Variants in CCSER1 observed in about 807,000 individuals in gnomAD.
CCSER1 encodes serine-rich coiled-coil domain-containing protein 1.
A neutral mutation model predicts 82.0 loss-of-function variants in CCSER1; 41 were observed. That is an observed-to-expected ratio of 0.50 (90% CI 0.39 to 0.65). CCSER1 has a LOEUF of 0.65. CCSER1 is among the 30% of genes least tolerant of loss of function. The probability of loss-of-function intolerance (pLI) is 0.00; values close to 1 mark genes in which losing one functional copy is unlikely to be tolerated. For synonymous variants in CCSER1, 414 were observed against 383.9 expected (o/e 1.08, Z -0.92); for missense variants, 1,119 against 1,064.2 (o/e 1.05, Z -0.72).
chr4:91,466,920 C>T (rs1351151073), intron 10 of CCSER1, among the ~76,000 whole-genome samples: 1 of 152,132 alleles, frequency 6.6e-6, no homozygotes, highest in African/African-American at 2.4e-5. Flanking sequence ...ATGAAAATGG[C>T]CATACTGCCC....
At chr4:91,594,830 G>A (rs1490238098) in intron 10 of CCSER1, among the ~76,000 whole-genome samples, 2 of 151,918 alleles carry the variant, frequency 1.3e-5, no homozygotes, top group African/African-American at 2.4e-5. Context: ...TTTGGCTTCA[G>A]GTTCAGTGTT....
At chr4:90,530,875 C>T (rs1180499199) in intron 5 of CCSER1, among the ~76,000 whole-genome samples, 1 of 152,160 alleles carries the variant, frequency 6.6e-6, no homozygotes, top group East Asian at 1.9e-4. Context: ...TATTCTCTTG[C>T]AACCACCTTG....
At chr4:91,354,255 A>G (rs1327625777) in intron 10 of CCSER1, among the ~76,000 whole-genome samples, 1 of 152,224 alleles carries the variant, frequency 6.6e-6, no homozygotes, top group Non-Finnish European at 1.5e-5. Flanking sequence ...ACCATTTATC[A>G]TCTTTCCAAT....
chr4:90,343,686 C>G (rs549168775), intron 3 of CCSER1, among the ~76,000 whole-genome samples: 7 of 152,294 alleles, frequency 4.6e-5, no homozygotes, highest in Admixed American at 4.6e-4. Context: ...TGTATTCTCA[C>G]ACCAGACTTT....
chr4:90,785,580 GT>G (rs925340181), intron 7 of CCSER1, among the ~76,000 whole-genome samples: 21 of 152,160 alleles, frequency 1.4e-4, no homozygotes, highest in Admixed American at 1.2e-3. Flanking sequence ...GAAAAATACA[GT>G]TTCTATGTTC....
At chr4:90,178,672 A>G (rs1250463849) in intron 1 of CCSER1, among the ~76,000 whole-genome samples, 4 of 152,146 alleles carry the variant, frequency 2.6e-5, no homozygotes, top group Admixed American at 6.6e-5. Context: ...ACCATACCAC[A>G]TGAATATGCT....
chr4:91,173,589 G>A (rs113705163), intron 10 of CCSER1, among the ~76,000 whole-genome samples: 4,150 of 88,570 alleles, frequency 0.047, 206 homozygotes, highest in African/African-American at 0.16. Context: ...GTGAGACTCC[G>A]TCTCAAAAAA....
chr4:91,026,433 A>G (rs1360484842), intron 9 of CCSER1, among the ~76,000 whole-genome samples: 13 of 152,054 alleles, frequency 8.5e-5, no homozygotes, highest in Admixed American at 5.9e-4. Flanking sequence ...CTTGAAGTTA[A>G]CTTTACTGTT....
chr4:90,894,213 A>G (rs1185820150), intron 8 of CCSER1, among the ~76,000 whole-genome samples: 6 of 152,058 alleles, frequency 3.9e-5, no homozygotes, highest in Non-Finnish European at 7.4e-5. Flanking sequence ...CCAAAATTGT[A>G]TTCTGTTATG....
At chr4:90,833,136 A>C (rs62311111) in intron 8 of CCSER1, among the ~76,000 whole-genome samples, 10,869 of 152,268 alleles carry the variant, frequency 0.071, 501 homozygotes, top group Admixed American at 0.13. Flanking sequence ...TGGGAAGTCC[A>C]AGATCAAGGA....
chr4:90,927,461 A>G (rs114964813), intron 9 of CCSER1, among the ~76,000 whole-genome samples: 5,922 of 152,014 alleles, frequency 0.039, 170 homozygotes, highest in Non-Finnish European at 0.059. Context: ...AGGGGTTTCA[A>G]TTTGGCTTCT....
chr4:91,576,234 G>A (rs1763447759), intron 10 of CCSER1, among the ~76,000 whole-genome samples: 1 of 151,718 alleles, frequency 6.6e-6, no homozygotes, highest in Non-Finnish European at 1.5e-5. Flanking sequence ...TAAAAAGAAG[G>A]GTATTTTGTC....
chr4:90,543,645 G>A (rs1408264684), intron 5 of CCSER1, among the ~76,000 whole-genome samples: 1 of 152,126 alleles, frequency 6.6e-6, no homozygotes, highest in African/African-American at 2.4e-5. Flanking sequence ...CACAAAATGA[G>A]TTTGCTTATC....
chr4:90,423,415 A>G (rs1382963145), intron 4 of CCSER1, among the ~76,000 whole-genome samples: 1 of 152,016 alleles, frequency 6.6e-6, no homozygotes. Context: ...TAGTAGAGAC[A>G]GGGTTTCACC....
At chr4:90,219,572 T>G (rs1260551459) in intron 1 of CCSER1, among the ~76,000 whole-genome samples, 1 of 152,176 alleles carries the variant, frequency 6.6e-6, no homozygotes. Flanking sequence ...CCCAAGTATA[T>G]TTATCTGTCT....
chr4:90,710,471 T>A (rs1426907620), intron 6 of CCSER1, among the ~76,000 whole-genome samples: 1 of 152,152 alleles, frequency 6.6e-6, no homozygotes, highest in Non-Finnish European at 1.5e-5. Flanking sequence ...GGGTTTTATA[T>A]GTAAGTCTTT....
intron 10 of CCSER1, among the ~76,000 whole-genome samples, chr4:91,338,918 G>A (rs926090665): frequency 1.3e-5 from 2 of 152,128 alleles, no homozygotes; most frequent in African/African-American, 4.8e-5. Context: ...GCAGTCTCTT[G>A]AAATACAGGC....
intron 6 of CCSER1, among the ~76,000 whole-genome samples, chr4:90,633,641 G>A (rs116181929): frequency 0.013 from 1,928 of 151,926 alleles, 23 homozygotes; most frequent in Middle Eastern, 0.02. Context: ...AGAGGAAAAG[G>A]ATAACTATAA....
intron 10 of CCSER1, among the ~76,000 whole-genome samples, chr4:91,161,626 G>A (rs988678144): frequency 3.3e-5 from 5 of 152,096 alleles, no homozygotes; most frequent in Non-Finnish European, 7.3e-5. Context: ...CACATCCCTT[G>A]TAAGTTGGAT....
Sources: allele counts gnomAD v4.1 joint callset (sites outside exome capture counted in the v4.1 genomes callset), GRCh38; gene constraint gnomAD v4.1.1; transcripts MANE v1.5; gene names NCBI Gene and HGNC (gene_info 2026-07-23, HGNC 2026-07-21).